The following TTC28 variants were observed in gnomAD, a reference collection of about 807,000 sequenced individuals.
TTC28 encodes the protein tetratricopeptide repeat domain 28, also known as tetratricopeptide repeat protein 28.
A neutral mutation model predicts 198.0 loss-of-function variants in TTC28; 61 were observed. The ratio of observed to expected loss-of-function variants is 0.31; its 90% CI spans 0.25 to 0.38. The LOEUF is 0.38. Ranked by LOEUF, TTC28 falls within the 10% of genes least tolerant of loss-of-function variation. The pLI is 1.00. For synonymous variants in TTC28, 1,171 were observed against 1,297.8 expected, an observed-to-expected ratio of 0.90 and a Z score of 2.10; for missense variants, 2,678 against 3,164.0, an observed-to-expected ratio of 0.85 and a Z score of 3.69.
chr22:28,387,550 A>G (rs1052567445), intron 2 of TTC28, among the ~76,000 whole-genome samples: 1 of 152,092 alleles, frequency 6.6e-6, no homozygotes, highest in Non-Finnish European at 1.5e-5. Flanking sequence ...CTGGTGTGAG[A>G]TGGTATCTCA....
At chr22:28,108,535 G>T in intron 6 of TTC28, 132 bp from the exon 7 acceptor site, 1 of 805,044 alleles carries the variant, frequency 1.2e-6, no homozygotes, top group Non-Finnish European at 1.7e-6. Flanking sequence ...ATAACAGAAG[G>T]TAGAATTAAA....
chr22:28,634,795 G>A (rs1239081174), intron 1 of TTC28, among the ~76,000 whole-genome samples: 2 of 151,560 alleles, frequency 1.3e-5, no homozygotes, highest in East Asian at 4.0e-4. Flanking sequence ...ATGTTGGCCA[G>A]GCTGGTCTCG....
chr22:28,555,583 T>G (rs555952086), intron 2 of TTC28, among the ~76,000 whole-genome samples: 5 of 152,256 alleles, frequency 3.3e-5, no homozygotes, highest in African/African-American at 7.2e-5. Flanking sequence ...CTAGGTGAAG[T>G]AACTCAGGAA....
chr22:28,662,867 G>C (rs541405147), intron 1 of TTC28, among the ~76,000 whole-genome samples: 7 of 152,182 alleles, frequency 4.6e-5, no homozygotes, highest in African/African-American at 1.7e-4. Context: ...AAAATGACAG[G>C]GATCCAAGAC....
chr22:28,526,843 G>A (rs1249452438), intron 2 of TTC28, among the ~76,000 whole-genome samples: 10 of 151,782 alleles, frequency 6.6e-5, no homozygotes, highest in African/African-American at 1.2e-4. Flanking sequence ...TGCAACCTCC[G>A]CCTCCCAGGT....
chr22:27,992,084 T>A (rs1448530382), intron 19 of TTC28, among the ~76,000 whole-genome samples: 2 of 151,798 alleles, frequency 1.3e-5, no homozygotes, highest in African/African-American at 4.8e-5. Flanking sequence ...AAGTGGGTGG[T>A]GAGGAGGACA....
At chr22:28,632,312 G>A (rs1404422766) in intron 1 of TTC28, among the ~76,000 whole-genome samples, 1 of 118,228 alleles carries the variant, frequency 8.5e-6, no homozygotes, top group Non-Finnish European at 1.6e-5. Flanking sequence ...TTGTTGCCCA[G>A]GCTGGAGTGC....
At chr22:28,255,015 C>A (rs1486935386) in intron 5 of TTC28, among the ~76,000 whole-genome samples, 1 of 151,940 alleles carries the variant, frequency 6.6e-6, no homozygotes, top group Admixed American at 6.6e-5. Flanking sequence ...ATTTATATAC[C>A]ACAAATTATA....
At chr22:28,047,800 G>T (rs1270568358) in intron 12 of TTC28, among the ~76,000 whole-genome samples, 1 of 152,176 alleles carries the variant, frequency 6.6e-6, no homozygotes, top group Non-Finnish European at 1.5e-5. Context: ...CAAGTGAAGA[G>T]GAAGAGGGAT....
At chr22:28,470,870 C>T (rs1348950916) in intron 2 of TTC28, among the ~76,000 whole-genome samples, 2 of 152,088 alleles carry the variant, frequency 1.3e-5, no homozygotes, top group African/African-American at 2.4e-5. Flanking sequence ...AGGTTAGACT[C>T]GAAATGTGGA....
chr22:28,108,904 T>G (rs1457209366), intron 6 of TTC28, among the ~76,000 whole-genome samples: 3 of 152,202 alleles, frequency 2.0e-5, no homozygotes, highest in Non-Finnish European at 4.4e-5. Context: ...AACCCTGAAG[T>G]ACCATGTTGC....
In TTC28 at chr22:27,978,931, T is replaced by C. The variant is rs1936930954; in HGVS notation, c.*3290A>G. 1 of 152,168 alleles carries C rather than the reference T, an allele frequency of 6.6e-6. No individual in the cohort carries two copies. The highest frequency in any genetic ancestry group is 2.1e-4 in the South Asian group (1 of 4,816). 9.4% of individuals were successfully genotyped at this position (152,168 alleles called of 1,614,324 possible). ...GCCAGTTTCCTGAGCTAAAAGGAAA[T>C]ATATGCAATGCTTTCTGCAAATGGT... On this transcript the variant is annotated 3_prime_UTR_variant, in exon 23 of 23. Transcript: ENST00000397906.
At chr22:28,222,722 T>C (rs981709260) in intron 5 of TTC28, among the ~76,000 whole-genome samples, 1 of 152,334 alleles carries the variant, frequency 6.6e-6, no homozygotes, top group East Asian at 1.9e-4. Context: ...TTCTCTTCTA[T>C]GGTGAAAGAT....
chr22:28,524,656 C>G (rs1325386290), intron 2 of TTC28, among the ~76,000 whole-genome samples: 1 of 151,926 alleles, frequency 6.6e-6, no homozygotes, highest in Non-Finnish European at 1.5e-5. Context: ...TGGTATCAAA[C>G]AAATATATGC....
chr22:28,207,131 C>A (rs1601475305), intron 5 of TTC28, among the ~76,000 whole-genome samples: 1 of 151,302 alleles, frequency 6.6e-6, no homozygotes, highest in African/African-American at 2.4e-5. Flanking sequence ...GAATATAGTA[C>A]CCTTAAGGGG....
chr22:28,588,876 G>A (rs2050371805), intron 2 of TTC28, among the ~76,000 whole-genome samples: 4 of 152,206 alleles, frequency 2.6e-5, no homozygotes, highest in South Asian at 4.1e-4. Context: ...AGCCTCAACA[G>A]GAAACACCCC....
chr22:28,143,508 T>A (rs1165515791), intron 6 of TTC28, among the ~76,000 whole-genome samples: 3 of 152,218 alleles, frequency 2.0e-5, no homozygotes, highest in Non-Finnish European at 4.4e-5. Context: ...AGAGAAATAA[T>A]GAATGTGAGA....
intron 4 of TTC28, among the ~76,000 whole-genome samples, chr22:28,297,157 A>G (rs995504719): frequency 2.0e-5 from 3 of 152,056 alleles, no homozygotes; most frequent in Admixed American, 2.0e-4. Context: ...AGCTGTAAAG[A>G]CCTGAATAGT....
At chr22:28,098,150 T>TG (rs1398158905) in intron 10 of TTC28, among the ~76,000 whole-genome samples, 1 of 152,196 alleles carries the variant, frequency 6.6e-6, no homozygotes, top group African/African-American at 2.4e-5. Flanking sequence ...CCCACTGTGA[T>TG]GGGGCACATA....
Sources: gnomAD v4.1 joint callset for allele counts (sites outside exome capture counted in the v4.1 genomes callset) on GRCh38, gnomAD v4.1.1 for gene constraint, MANE v1.5 for transcripts, NCBI Gene and HGNC (gene_info 2026-07-23, HGNC 2026-07-21) for gene names.